The following STK39 variants were observed in gnomAD, a reference collection of about 807,000 sequenced individuals.
STK39 encodes serine/threonine kinase 39.
Under a neutral mutation model 77.8 loss-of-function variants are expected in STK39, and 20 were observed. The observed-to-expected ratio is 0.26, with a 90% CI of 0.18 to 0.37. STK39 has a LOEUF of 0.37. Ranked by LOEUF, STK39 falls within the 10% of genes least tolerant of loss-of-function variation. STK39 has a pLI of 1.00. For synonymous variants in STK39, 246 were observed against 234.1 expected, an observed-to-expected ratio of 1.05 and a Z score of -0.47; for missense variants, 479 against 656.5, an observed-to-expected ratio of 0.73 and a Z score of 2.95.
intron 8 of STK39, among the ~76,000 whole-genome samples, chr2:168,131,501 A>C (rs1433432581): frequency 6.6e-6 from 1 of 152,202 alleles, no homozygotes; most frequent in South Asian, 2.1e-4. Context: ...CAAGCATAGA[A>C]AGAATTAGAA....
At chr2:168,230,227 C>A (rs10170715) in intron 1 of STK39, among the ~76,000 whole-genome samples, 3 of 151,984 alleles carry the variant, frequency 2.0e-5, no homozygotes, top group Non-Finnish European at 4.4e-5. Context: ...AAAAATCTAT[C>A]TCCTTTCCCT....
intron 10 of STK39, among the ~76,000 whole-genome samples, chr2:168,111,739 A>T (rs1268641839): frequency 3.9e-5 from 6 of 152,220 alleles, no homozygotes; most frequent in African/African-American, 1.4e-4. Context: ...ATCAATTTGT[A>T]TTCCACTTTT....
chr2:168,181,276 C>A (rs1039035096), intron 2 of STK39, among the ~76,000 whole-genome samples: 12 of 151,996 alleles, frequency 7.9e-5, no homozygotes, highest in Admixed American at 1.3e-4. Context: ...GAGATTAAAC[C>A]CTCAAACCCT....
chr2:168,247,510 G>C lies in STK39; in HGVS notation c.-75C>G. On this transcript the variant is annotated 5_prime_UTR_variant, in exon 1 of 18. Coordinates refer to ENST00000355999, the MANE Select transcript of STK39 (RefSeq NM_013233.3). ...CACTTGAAACTTCCTTTGCCTCGCC[G>C]CCGACACCTCTCGGCCGGCGCACGC... The C allele has an allele frequency of 1.8e-6, 2 of 1,116,576 alleles. No homozygotes were observed. The highest frequency in any genetic ancestry group is 5.8e-5 in the East Asian group (1 of 17,238). 69.2% of individuals were successfully genotyped at this position (1,116,576 alleles called of 1,614,324 possible). A position where few individuals can be genotyped will look rare whatever the true frequency, so the allele number is the denominator to read the frequency against.
chr2:167,987,893 C>T (rs1683600657), intron 16 of STK39, among the ~76,000 whole-genome samples: 2 of 152,178 alleles, frequency 1.3e-5, no homozygotes, highest in Admixed American at 1.3e-4. Context: ...TTAATGGTAA[C>T]ATATTTACTG....
chr2:168,224,192 C>A (rs752430348), intron 1 of STK39, among the ~76,000 whole-genome samples: 16 of 151,544 alleles, frequency 1.1e-4, no homozygotes, highest in Non-Finnish European at 1.6e-4. Context: ...ATAGGAAATT[C>A]TTAAACTAAA....
At chr2:168,109,587 G>T (rs1687068721) in intron 10 of STK39, among the ~76,000 whole-genome samples, 1 of 152,222 alleles carries the variant, frequency 6.6e-6, no homozygotes. Flanking sequence ...GCGTAAAATT[G>T]TGGGGCTACA....
intron 1 of STK39, among the ~76,000 whole-genome samples, chr2:168,242,051 CATA>C (rs1170965826): frequency 6.6e-6 from 1 of 152,154 alleles, no homozygotes; most frequent in Non-Finnish European, 1.5e-5. Flanking sequence ...GGGAAGAATT[CATA>C]ATATCACTAG....
chr2:168,126,512 T>G (rs1449753492), intron 10 of STK39, among the ~76,000 whole-genome samples: 2 of 152,160 alleles, frequency 1.3e-5, no homozygotes, highest in Non-Finnish European at 2.9e-5. Context: ...AAGTTTCCCA[T>G]AAGGATGATC....
At chr2:167,986,761 A>G (rs531645928) in intron 16 of STK39, among the ~76,000 whole-genome samples, 3 of 152,300 alleles carry the variant, frequency 2.0e-5, no homozygotes, top group Middle Eastern at 3.4e-3. Context: ...GTAGCTTCCT[A>G]CCCATGTAAA....
At chr2:168,156,475 A>G (rs1281898337) in intron 5 of STK39, among the ~76,000 whole-genome samples, 1 of 152,236 alleles carries the variant, frequency 6.6e-6, no homozygotes, top group Non-Finnish European at 1.5e-5. Context: ...CTGATGGGAA[A>G]AAGAAAAGAG....
At chr2:168,195,091 CCT>C (rs1689435488) in intron 1 of STK39, among the ~76,000 whole-genome samples, 1 of 152,082 alleles carries the variant, frequency 6.6e-6, no homozygotes, top group African/African-American at 2.4e-5. Flanking sequence ...AACTTTATTT[CCT>C]CTCTCTTTCA....
chr2:168,042,735 A>C (rs1333725372), intron 14 of STK39, among the ~76,000 whole-genome samples: 1 of 151,984 alleles, frequency 6.6e-6, no homozygotes, highest in East Asian at 1.9e-4. Flanking sequence ...GCCTGCCACC[A>C]TGCTCAGCTA....
At chr2:168,163,635 G>A in intron 4 of STK39, 104 bp downstream of exon 4, 2 of 1,603,378 alleles carry the variant, frequency 1.2e-6, no homozygotes, top group Non-Finnish European at 1.7e-6. Context: ...CTCTGCAGAG[G>A]TCACACCTGT....
At chr2:167,962,276 A>G (rs1323703209) in intron 17 of STK39, among the ~76,000 whole-genome samples, 1 of 152,238 alleles carries the variant, frequency 6.6e-6, no homozygotes, top group African/African-American at 2.4e-5. Context: ...TAAAATAACC[A>G]AGTTGATGAA....
chr2:168,169,901 A>C (rs1688780906), intron 2 of STK39, among the ~76,000 whole-genome samples: 1 of 152,134 alleles, frequency 6.6e-6, no homozygotes, highest in South Asian at 2.1e-4. Context: ...ACTCAACCTC[A>C]CATTCTTCTT....
intron 16 of STK39, among the ~76,000 whole-genome samples, chr2:167,966,292 G>A (rs1692159318): frequency 6.6e-6 from 1 of 152,136 alleles, no homozygotes; most frequent in Non-Finnish European, 1.5e-5. Context: ...CTCATGGAGT[G>A]CAAAGCTCTG....
rs1574390637 is a variant in STK39 at position 168,012,552 on chromosome 2, C to T, written c.1498+82G>A. ...CTTCAAATATTCAGAGTGAATTATT[C>T]CTTAATGAACACTTTTGCTTCCAAA... On this transcript the variant is annotated intron_variant, in intron 16 of 17. Coordinates refer to ENST00000355999, the MANE Select transcript of STK39 (RefSeq NM_013233.3). The T allele has an allele frequency of 2.9e-6, 3 of 1,048,062 alleles. No homozygotes were observed. The East Asian group carries it at 7.7e-5, about 27-fold the overall frequency. The allele number at this position is 1,048,062 out of a possible 1,614,324, so 64.9% of individuals were successfully genotyped here. A position where few individuals can be genotyped will look rare whatever the true frequency, so the allele number is the denominator to read the frequency against.
chr2:168,022,036 CCT>C (rs1684584992), intron 14 of STK39, among the ~76,000 whole-genome samples: 1 of 152,008 alleles, frequency 6.6e-6, no homozygotes, highest in Non-Finnish European at 1.5e-5. Flanking sequence ...CTGTATCTTG[CCT>C]CTCTTTTAAC....
Sources: allele counts gnomAD v4.1 joint callset (sites outside exome capture counted in the v4.1 genomes callset), GRCh38; gene constraint gnomAD v4.1.1; transcripts MANE v1.5; gene names NCBI Gene and HGNC (gene_info 2026-07-23, HGNC 2026-07-21).